Variants in RNGTT observed in about 807,000 individuals in gnomAD.
RNGTT encodes RNA guanylyltransferase and 5'-phosphatase.
RNGTT carries 33 observed loss-of-function variants against 79.3 expected under a neutral mutation model. That is an observed-to-expected ratio of 0.42 (90% CI 0.32 to 0.56). The LOEUF (loss-of-function observed/expected upper bound fraction) is 0.56. Among genes scored for constraint, RNGTT ranks in the 20% least tolerant of loss-of-function variants. The pLI is 0.17. For missense variants in RNGTT, 497 were observed against 739.1 expected, an observed-to-expected ratio of 0.67 and a Z score of 3.80; for synonymous variants, 222 against 235.9, an observed-to-expected ratio of 0.94 and a Z score of 0.54.
chr6:88,940,254 T>A (rs2127958337), intron 2 of RNGTT, among the ~76,000 whole-genome samples: 1 of 152,154 alleles, frequency 6.6e-6, no homozygotes, highest in South Asian at 2.1e-4. Flanking sequence ...AATTTTTGTA[T>A]TTTTAGTAGA....
chr6:88,743,939 T>C (rs1015163498), intron 13 of RNGTT, among the ~76,000 whole-genome samples: 5 of 152,208 alleles, frequency 3.3e-5, no homozygotes, highest in African/African-American at 9.6e-5. Flanking sequence ...ATCTACTTTA[T>C]AGGTTTAGTA....
chr6:88,675,705 G>GAA (rs59044283), intron 14 of RNGTT, among the ~76,000 whole-genome samples: 1,872 of 145,946 alleles, frequency 0.013, 33 homozygotes, highest in African/African-American at 0.042. Context: ...TACATGAAAA[G>GAA]AAAAAAAAAA....
chr6:88,888,455 A>G (rs1449451544), intron 8 of RNGTT, among the ~76,000 whole-genome samples: 3 of 152,186 alleles, frequency 2.0e-5, no homozygotes, highest in Non-Finnish European at 2.9e-5. Flanking sequence ...AGAAAGGCTA[A>G]TTTTCATTTA....
At chr6:88,692,517 GA>G (rs1374979660) in intron 13 of RNGTT, among the ~76,000 whole-genome samples, 1 of 151,518 alleles carries the variant, frequency 6.6e-6, no homozygotes, top group Non-Finnish European at 1.5e-5. Flanking sequence ...AAAGAAGCCA[GA>G]CACACTACCT....
chr6:88,885,212 CA>C (rs1443225803), intron 8 of RNGTT, among the ~76,000 whole-genome samples: 1 of 152,050 alleles, frequency 6.6e-6, no homozygotes, highest in African/African-American at 2.4e-5. Context: ...CCAACTTGTG[CA>C]CAAAAATTGG....
chr6:88,630,056 CT>C (rs748603460), intron 14 of RNGTT, among the ~76,000 whole-genome samples: 31 of 152,148 alleles, frequency 2.0e-4, no homozygotes, highest in Non-Finnish European at 3.7e-4. Context: ...ACCGGCAACC[CT>C]GAGTTCCTGT....
intron 14 of RNGTT, among the ~76,000 whole-genome samples, chr6:88,651,438 T>C (rs1156839121): frequency 6.6e-6 from 1 of 152,174 alleles, no homozygotes; most frequent in Non-Finnish European, 1.5e-5. Flanking sequence ...GAGAATTAAT[T>C]AGAATAGTGC....
At chr6:88,676,739 C>A (rs533155532) in intron 14 of RNGTT, among the ~76,000 whole-genome samples, 2 of 152,138 alleles carry the variant, frequency 1.3e-5, no homozygotes, top group East Asian at 1.9e-4. Flanking sequence ...AAACAAAAAA[C>A]CCAATTTTAA....
intron 12 of RNGTT, among the ~76,000 whole-genome samples, chr6:88,770,986 T>G (rs1375012082): frequency 6.6e-6 from 1 of 152,134 alleles, no homozygotes; most frequent in Non-Finnish European, 1.5e-5. Context: ...AGAAGTTACT[T>G]ACATATTGTA....
At chr6:88,694,851 C>A (rs145803068) in intron 13 of RNGTT, among the ~76,000 whole-genome samples, 1 of 152,090 alleles carries the variant, frequency 6.6e-6, no homozygotes, top group Non-Finnish European at 1.5e-5. Context: ...CTCCCTTCCA[C>A]CTTCCACCAC....
At chr6:88,830,675 T>C (rs1057479861) in intron 11 of RNGTT, among the ~76,000 whole-genome samples, 4 of 148,940 alleles carry the variant, frequency 2.7e-5, no homozygotes, top group Non-Finnish European at 5.9e-5. Flanking sequence ...ATTAACAAAA[T>C]AGATAGACCA....
intron 8 of RNGTT, among the ~76,000 whole-genome samples, chr6:88,864,941 G>A (rs1782121848): frequency 6.6e-6 from 1 of 152,070 alleles, no homozygotes; most frequent in African/African-American, 2.4e-5. Flanking sequence ...GGGAGAATAG[G>A]AAGTTACTGT....
chr6:88,667,621 C>T (rs1199163568), intron 14 of RNGTT, among the ~76,000 whole-genome samples: 2 of 152,222 alleles, frequency 1.3e-5, no homozygotes, highest in Admixed American at 1.3e-4. Context: ...TGAGAAAGCT[C>T]GTGAAGTAAC....
chr6:88,658,357 C>G (rs1774059142), intron 14 of RNGTT, among the ~76,000 whole-genome samples: 1 of 152,222 alleles, frequency 6.6e-6, no homozygotes, highest in Non-Finnish European at 1.5e-5. Context: ...AGTCCCCTGT[C>G]ACCTTCACCG....
chr6:88,914,503 A>C (rs1015888429), intron 4 of RNGTT, among the ~76,000 whole-genome samples: 1 of 150,046 alleles, frequency 6.7e-6, no homozygotes, highest in South Asian at 2.1e-4. Flanking sequence ...CAACTAATCG[A>C]TCTTCAACAA....
intron 12 of RNGTT, among the ~76,000 whole-genome samples, chr6:88,772,839 T>C (rs532369723): frequency 6.6e-6 from 1 of 152,122 alleles, no homozygotes; most frequent in South Asian, 2.1e-4. Flanking sequence ...GGAGAGGATG[T>C]GGAAAAATAG....
chr6:88,843,069 C>T (rs1319710753), intron 11 of RNGTT, among the ~76,000 whole-genome samples: 2 of 149,126 alleles, frequency 1.3e-5, no homozygotes, highest in Non-Finnish European at 3.0e-5. Flanking sequence ...TGAGACCCTG[C>T]CTCAAAACAA....
At chr6:88,909,970 A>T (rs1003176989) in intron 4 of RNGTT, among the ~76,000 whole-genome samples, 15 of 139,796 alleles carry the variant, frequency 1.1e-4, no homozygotes, top group Admixed American at 4.2e-4. Context: ...AAGAATATTT[A>T]AAAAAAAAAA....
chr6:88,747,975 G>GC (rs1777718980), intron 13 of RNGTT, among the ~76,000 whole-genome samples: 1 of 152,066 alleles, frequency 6.6e-6, no homozygotes, highest in African/African-American at 2.4e-5. Context: ...TCTGGAAAAC[G>GC]CAATTTTAGT....
Sources: gnomAD v4.1 joint callset for allele counts (sites outside exome capture counted in the v4.1 genomes callset) on GRCh38, gnomAD v4.1.1 for gene constraint, MANE v1.5 for transcripts, NCBI Gene and HGNC (gene_info 2026-07-23, HGNC 2026-07-21) for gene names.